CNNM2: variants seen among roughly 807,000 people sequenced by gnomAD.
The protein encoded by CNNM2 is metal transporter CNNM2.
Under a neutral mutation model 66.9 loss-of-function variants are expected in CNNM2, and 12 were observed. The ratio of observed to expected loss-of-function variants is 0.18; its 90% CI spans 0.11 to 0.29. The LOEUF (loss-of-function observed/expected upper bound fraction) is 0.29. Among genes scored for constraint, CNNM2 ranks in the 10% least tolerant of loss-of-function variants. The pLI is 1.00. For missense variants in CNNM2, 705 were observed against 1,167.7 expected, an observed-to-expected ratio of 0.60 and a Z score of 5.77; for synonymous variants, 557 against 501.8, an observed-to-expected ratio of 1.11 and a Z score of -1.47.
chr10:103,037,684 G>A (rs771744316), intron 1 of CNNM2, among the ~76,000 whole-genome samples: 34 of 152,262 alleles, frequency 2.2e-4, no homozygotes, highest in Non-Finnish European at 3.7e-4. Flanking sequence ...AATGTGGAGA[G>A]GGTAGTTTTA....
At chr10:103,039,498 T>C (rs2065002030) in intron 1 of CNNM2, among the ~76,000 whole-genome samples, 1 of 152,218 alleles carries the variant, frequency 6.6e-6, no homozygotes, top group South Asian at 2.1e-4. Context: ...TCAGCATTCA[T>C]CCATGTATTC....
At chr10:103,014,553 G>A (rs1248970249) in intron 1 of CNNM2, among the ~76,000 whole-genome samples, 1 of 152,122 alleles carries the variant, frequency 6.6e-6, no homozygotes, top group Non-Finnish European at 1.5e-5. Context: ...TTATGCTTTG[G>A]TCAGAGCTTA....
intron 1 of CNNM2, among the ~76,000 whole-genome samples, chr10:102,958,345 T>C (rs143853372): frequency 1.8e-3 from 276 of 152,100 alleles, no homozygotes; most frequent in Non-Finnish European, 3.1e-3. Context: ...TGAAGTCAAG[T>C]GAATATGATT....
chr10:103,068,888 T>C (rs1412910824), intron 5 of CNNM2, among the ~76,000 whole-genome samples, 166 bp downstream of exon 5: 1 of 152,120 alleles, frequency 6.6e-6, no homozygotes, highest in Admixed American at 6.6e-5. Flanking sequence ...AAATCCTAAG[T>C]ATATACCTCC....
At chr10:103,021,192 G>A (rs1288370565) in intron 1 of CNNM2, among the ~76,000 whole-genome samples, 3 of 152,146 alleles carry the variant, frequency 2.0e-5, no homozygotes, top group African/African-American at 7.2e-5. Flanking sequence ...CCAGCTGACC[G>A]ACTGGAGATC....
intron 1 of CNNM2, among the ~76,000 whole-genome samples, chr10:102,931,268 A>G (rs1245437708): frequency 1.3e-5 from 2 of 152,110 alleles, no homozygotes; most frequent in Non-Finnish European, 2.9e-5. Context: ...AGTTGGCCAT[A>G]GAGCTGGAGC....
At chr10:103,003,832 C>T (rs1198233019) in intron 1 of CNNM2, among the ~76,000 whole-genome samples, 2 of 151,894 alleles carry the variant, frequency 1.3e-5, no homozygotes, top group East Asian at 3.9e-4. Flanking sequence ...ACTGTCCTGA[C>T]ATTAACATCA....
chr10:102,978,208 CTTT>C (rs79672869), intron 1 of CNNM2, among the ~76,000 whole-genome samples: 2 of 138,154 alleles, frequency 1.4e-5, no homozygotes, highest in African/African-American at 2.6e-5. Context: ...CATGCCTGGA[CTTT>C]TTTTTTTTTT....
chr10:103,015,857 A>C (rs1270046457), intron 1 of CNNM2, among the ~76,000 whole-genome samples: 3 of 152,098 alleles, frequency 2.0e-5, no homozygotes, highest in Admixed American at 1.3e-4. Flanking sequence ...CATCTCAAAA[A>C]AACAACAACA....
intron 1 of CNNM2, among the ~76,000 whole-genome samples, chr10:102,964,204 TAGTTA>T (rs2063425827): frequency 6.6e-6 from 1 of 152,092 alleles, no homozygotes; most frequent in Non-Finnish European, 1.5e-5. Flanking sequence ...CTTGTAGAAA[TAGTTA>T]ATTGGGCTAA....
chr10:103,072,773 G>C (rs991576494), intron 6 of CNNM2, among the ~76,000 whole-genome samples: 1 of 152,168 alleles, frequency 6.6e-6, no homozygotes, highest in African/African-American at 2.4e-5. Context: ...ATAAAACTTT[G>C]GAACATAAAC....
chr10:102,985,038 G>T (rs1275543582), intron 1 of CNNM2, among the ~76,000 whole-genome samples: 1 of 152,130 alleles, frequency 6.6e-6, no homozygotes, highest in Non-Finnish European at 1.5e-5. Context: ...CCAAAAGGCC[G>T]AGAAGCGATG....
At position 103,090,110 on chromosome 10, in the gene CNNM2, A is replaced by G; in HGVS notation, c.*12930A>G. On this transcript the variant is annotated 3_prime_UTR_variant, in exon 8 of 8. Coordinates refer to ENST00000369878, the MANE Select transcript of CNNM2 (RefSeq NM_017649.5). ...CCCTGCCCCTCAAAATGGTGCCCAT[A>G]TTGTCTACTGCAGCTGGAAATTGGA... is the stretch of plus-strand genomic sequence containing the variant. The G allele has an allele frequency of 2.2e-6, 1 of 461,120 alleles. No homozygotes were observed. The highest frequency in any genetic ancestry group is 3.8e-6 in the Non-Finnish European group (1 of 263,888). The allele number at this position is 461,120 out of a possible 1,614,324, so 28.6% of individuals were successfully genotyped here. A position where few individuals can be genotyped will look rare whatever the true frequency, so the allele number is the denominator to read the frequency against.
chr10:103,030,954 A>AGAG (rs565345118), intron 1 of CNNM2, among the ~76,000 whole-genome samples: 7 of 152,166 alleles, frequency 4.6e-5, no homozygotes, highest in Non-Finnish European at 8.8e-5. Context: ...TTATTGGACA[A>AGAG]GAGGAGGAGG....
At chr10:103,049,402 ACT>A (rs1169921007) in intron 1 of CNNM2, among the ~76,000 whole-genome samples, 1 of 151,978 alleles carries the variant, frequency 6.6e-6, no homozygotes, top group Non-Finnish European at 1.5e-5. Flanking sequence ...TTTGAGAACC[ACT>A]CTCTTTAGGT....
intron 1 of CNNM2, among the ~76,000 whole-genome samples, chr10:103,018,783 C>T (rs978612284): frequency 3.3e-5 from 5 of 149,454 alleles, no homozygotes; most frequent in South Asian, 2.1e-4. Flanking sequence ...CTCAGCCCCC[C>T]GAGTAGCTGG....
chr10:103,026,436 C>CA (rs774265643), intron 1 of CNNM2, among the ~76,000 whole-genome samples: 9 of 151,646 alleles, frequency 5.9e-5, no homozygotes, highest in African/African-American at 1.5e-4. Context: ...TGTGTCTCTA[C>CA]AAAAAATACA....
chr10:102,944,568 A>T (rs373774771), intron 1 of CNNM2, among the ~76,000 whole-genome samples: 14 of 143,858 alleles, frequency 9.7e-5, no homozygotes, highest in African/African-American at 3.3e-4. Context: ...ATTTTGCCAT[A>T]TTTGTATCTT....
intron 1 of CNNM2, among the ~76,000 whole-genome samples, chr10:102,936,734 C>A (rs1846255606): frequency 2.0e-5 from 3 of 152,136 alleles, no homozygotes; most frequent in Admixed American, 1.3e-4. Context: ...AAAATATTAA[C>A]CAACAGTGAC....
Sources: gnomAD v4.1 joint callset for allele counts (sites outside exome capture counted in the v4.1 genomes callset) on GRCh38, gnomAD v4.1.1 for gene constraint, MANE v1.5 for transcripts, NCBI Gene and HGNC (gene_info 2026-07-23, HGNC 2026-07-21) for gene names.